The following BCL2 variants were observed in gnomAD, a reference collection of about 807,000 sequenced individuals.
BCL2 encodes apoptosis regulator Bcl-2.
A neutral mutation model predicts 14.2 loss-of-function variants in BCL2; 1 was observed. That is an observed-to-expected ratio of 0.07 (90% confidence interval 0.02 to 0.33). BCL2 has a LOEUF of 0.33. Ranked by LOEUF, BCL2 falls within the 10% of genes least tolerant of loss-of-function variation. The probability of loss-of-function intolerance (pLI) is 0.99; values close to 1 mark genes in which losing one functional copy is unlikely to be tolerated. For missense variants in BCL2, 247 were observed against 305.9 expected (o/e 0.81, Z 1.44); for synonymous variants, 151 against 137.2 (o/e 1.10, Z -0.70).
chr18:63,245,524 G>C (rs1330614986), intron 2 of BCL2, among the ~76,000 whole-genome samples: 2 of 152,208 alleles, frequency 1.3e-5, no homozygotes, highest in African/African-American at 4.8e-5. Context: ...GGAGACAAGG[G>C]AGTTTCTTGG....
At chr18:63,134,313 A>G (rs916163655) in intron 2 of BCL2, among the ~76,000 whole-genome samples, 41 of 152,260 alleles carry the variant, frequency 2.7e-4, no homozygotes, top group Admixed American at 2.7e-3. Flanking sequence ...AAAAAAATCC[A>G]GACTCCATAA....
chr18:63,173,433 T>C (rs7242904), intron 2 of BCL2, among the ~76,000 whole-genome samples: 2,640 of 152,318 alleles, frequency 0.017, 78 homozygotes, highest in African/African-American at 0.06. Context: ...CCTGGTGTTT[T>C]TGAAGAGACA....
rs1408814840 is a variant in BCL2, at chr18:63,198,784, G to C, written c.586-70025C>G. ...ACTGACACAGAGACACACAGACACAGAGACACAGACACACACTGACACAGA... is the reference window on the plus strand; with the variant it reads ...ACTGACACAGAGACACACAGACACACAGACACAGACACACACTGACACAGA... On this transcript the variant is annotated intron_variant, in intron 2 of 2. Transcript: ENST00000333681. Among the ~76,000 whole-genome samples, 24 of 30,518 alleles carry C rather than the reference G, an allele frequency of 7.9e-4. 1 individual carries two copies. The highest frequency in any genetic ancestry group is 2.7e-3 in the African/African-American group (23 of 8,656). 20.0% of individuals were successfully genotyped at this position (30,518 alleles called of 152,430 possible). A position where few individuals can be genotyped will look rare whatever the true frequency, so the allele number is the denominator to read the frequency against.
intron 2 of BCL2, among the ~76,000 whole-genome samples, chr18:63,213,938 G>A (rs377711626): frequency 1.3e-5 from 2 of 152,264 alleles, no homozygotes; most frequent in African/African-American, 4.8e-5. Flanking sequence ...TTAAGAGGGG[G>A]CTGGGAGAAG....
chr18:63,268,249 T>A (rs1274914684), intron 2 of BCL2, among the ~76,000 whole-genome samples: 1 of 152,208 alleles, frequency 6.6e-6, no homozygotes, highest in African/African-American at 2.4e-5. Flanking sequence ...AGAAAGAGCA[T>A]TCTGTGGTTT....
At chr18:63,189,837 T>C (rs1909239211) in intron 2 of BCL2, among the ~76,000 whole-genome samples, 1 of 152,010 alleles carries the variant, frequency 6.6e-6, no homozygotes, top group African/African-American at 2.4e-5. Flanking sequence ...CTTGGTGAGA[T>C]ATTTAAGTGT....
At chr18:63,135,854 T>C (rs945890141) in intron 2 of BCL2, among the ~76,000 whole-genome samples, 1 of 152,150 alleles carries the variant, frequency 6.6e-6, no homozygotes, top group African/African-American at 2.4e-5. Context: ...ATTGGCTCAC[T>C]TCCCACCCAC....
intron 2 of BCL2, among the ~76,000 whole-genome samples, chr18:63,313,357 A>C (rs192285548): frequency 6.6e-6 from 1 of 152,358 alleles, no homozygotes; most frequent in Non-Finnish European, 1.5e-5. Flanking sequence ...AGGTTGATTA[A>C]GCCAAACCAA....
intron 2 of BCL2, among the ~76,000 whole-genome samples, chr18:63,280,986 T>C (rs1415440435): frequency 6.6e-6 from 1 of 152,152 alleles, no homozygotes; most frequent in Non-Finnish European, 1.5e-5. Flanking sequence ...ATCCATTCAA[T>C]GGAATATCAT....
intron 2 of BCL2, among the ~76,000 whole-genome samples, chr18:63,154,128 C>T (rs191328174): frequency 7.3e-4 from 111 of 152,264 alleles, no homozygotes; most frequent in African/African-American, 2.6e-3. Context: ...CTAATCAGCC[C>T]CCTTGACAGC....
At chr18:63,262,132 G>T (rs570350200) in intron 2 of BCL2, among the ~76,000 whole-genome samples, 117 of 152,118 alleles carry the variant, frequency 7.7e-4, no homozygotes, top group African/African-American at 2.7e-3. Flanking sequence ...GTCCAGGCTG[G>T]TCTTGAACTC....
intron 2 of BCL2, among the ~76,000 whole-genome samples, chr18:63,159,614 G>A (rs1044586623): frequency 6.6e-6 from 1 of 152,232 alleles, no homozygotes; most frequent in Non-Finnish European, 1.5e-5. Flanking sequence ...CTCAGTGAGT[G>A]AGTGGACATT....
intron 2 of BCL2, among the ~76,000 whole-genome samples, chr18:63,203,686 G>GCACA (rs139308781): frequency 6.7e-6 from 1 of 148,926 alleles, no homozygotes; most frequent in Non-Finnish European, 1.5e-5. Context: ...ATATGCACAC[G>GCACA]CACACACACA....
chr18:63,221,539 G>A (rs779028618), intron 2 of BCL2, among the ~76,000 whole-genome samples: 23 of 152,224 alleles, frequency 1.5e-4, no homozygotes, highest in Non-Finnish European at 3.1e-4. Flanking sequence ...CAGTGCTCAA[G>A]GAAGTTTCAG....
chr18:63,152,027 C>A (rs1914664533), intron 2 of BCL2, among the ~76,000 whole-genome samples: 1 of 152,180 alleles, frequency 6.6e-6, no homozygotes, highest in Non-Finnish European at 1.5e-5. Context: ...GGAGGACAAT[C>A]AGAGAAATGC....
chr18:63,264,391 G>T (rs1395141421), intron 2 of BCL2, among the ~76,000 whole-genome samples: 1 of 151,954 alleles, frequency 6.6e-6, no homozygotes, highest in Non-Finnish European at 1.5e-5. Flanking sequence ...TTTAATTAAC[G>T]GCCAGAGAGT....
At chr18:63,215,793 A>G (rs1910183239) in intron 2 of BCL2, among the ~76,000 whole-genome samples, 6 of 152,210 alleles carry the variant, frequency 3.9e-5, no homozygotes, top group Admixed American at 3.9e-4. Flanking sequence ...CAAAATATCA[A>G]TGGCTTTTAT....
chr18:63,206,258 A>C (rs150459699), intron 2 of BCL2, among the ~76,000 whole-genome samples: 72 of 152,360 alleles, frequency 4.7e-4, no homozygotes, highest in Middle Eastern at 3.4e-3. Context: ...ATTCACACGC[A>C]GACGATAAGC....
At chr18:63,196,845 T>C (rs1036950241) in intron 2 of BCL2, among the ~76,000 whole-genome samples, 7 of 152,228 alleles carry the variant, frequency 4.6e-5, no homozygotes, top group African/African-American at 1.7e-4. Context: ...ATCATAGTTA[T>C]GAGTTTTTCT....
Sources: gnomAD v4.1 joint callset for allele counts (sites outside exome capture counted in the v4.1 genomes callset) on GRCh38, gnomAD v4.1.1 for gene constraint, MANE v1.5 for transcripts, NCBI Gene and HGNC (gene_info 2026-07-23, HGNC 2026-07-21) for gene names.